Variants in PCDH9 observed in about 807,000 individuals in gnomAD.
PCDH9 encodes the protein protocadherin 9, also known as protocadherin-9.
Under a neutral mutation model 70.6 loss-of-function variants are expected in PCDH9, and 24 were observed. The observed-to-expected ratio is 0.34, with a 90% CI of 0.25 to 0.48. The LOEUF is 0.48. Among genes scored for constraint, PCDH9 ranks in the 20% least tolerant of loss-of-function variants. The pLI, the probability that PCDH9 is intolerant of heterozygous loss-of-function variation, is 0.99. For missense variants in PCDH9, 1,281 were observed against 1,503.6 expected (o/e 0.85, Z 2.45); for synonymous variants, 562 against 558.5 (o/e 1.01, Z -0.09).
At chr13:67,081,090 A>G (rs1207106803) in intron 2 of PCDH9, among the ~76,000 whole-genome samples, 1 of 152,238 alleles carries the variant, frequency 6.6e-6, no homozygotes, top group Non-Finnish European at 1.5e-5. Flanking sequence ...TGAAAAAAAG[A>G]TATCCATATG....
Position 66,534,412 on chromosome 13 carries a change from T to G in PCDH9, c.3340+96798A>C, listed in dbSNP as rs1178089987. Among the ~76,000 whole-genome samples the G allele has an allele frequency of 3.9e-5, 6 of 152,104 alleles. No homozygotes were observed. The South Asian group carries it at 8.3e-4, about 21-fold the overall frequency. On this transcript the variant is annotated intron_variant, in intron 4 of 4. Coordinates refer to ENST00000377865, the MANE Select transcript of PCDH9 (RefSeq NM_203487.3). Reference sequence around the variant, plus strand: ...AGTATCGTTGGGTTCTGGTGAGGGTTCTCTTTTAGTGTGCAGAATGCTGAT... The same window carrying G: ...AGTATCGTTGGGTTCTGGTGAGGGTGCTCTTTTAGTGTGCAGAATGCTGAT...
chr13:66,358,995 C>T (rs2138189041), intron 4 of PCDH9, among the ~76,000 whole-genome samples: 2 of 152,064 alleles, frequency 1.3e-5, no homozygotes, highest in South Asian at 4.1e-4. Context: ...AAAAGTCGCT[C>T]ATTAATGGTG....
At chr13:66,737,024 C>G (rs2079160306) in intron 3 of PCDH9, among the ~76,000 whole-genome samples, 1 of 152,218 alleles carries the variant, frequency 6.6e-6, no homozygotes, top group East Asian at 1.9e-4. Flanking sequence ...TTTTTTCCAT[C>G]TCCCATGAAA....
chr13:66,351,984 A>C (rs1448014773), intron 4 of PCDH9, among the ~76,000 whole-genome samples: 2 of 152,044 alleles, frequency 1.3e-5, no homozygotes, highest in Non-Finnish European at 2.9e-5. Context: ...TACAGGCATC[A>C]GCCACCACGC....
intron 2 of PCDH9, among the ~76,000 whole-genome samples, chr13:66,920,637 C>A (rs1476079564): frequency 6.6e-6 from 1 of 151,138 alleles, no homozygotes; most frequent in African/African-American, 2.4e-5. Context: ...GAGGCAAAAA[C>A]AAACACAAAA....
intron 2 of PCDH9, among the ~76,000 whole-genome samples, chr13:66,909,277 C>A (rs964152058): frequency 1.3e-5 from 2 of 151,734 alleles, no homozygotes; most frequent in African/African-American, 4.8e-5. Context: ...AACTACAAAA[C>A]CCTGATTAAA....
intron 2 of PCDH9, among the ~76,000 whole-genome samples, chr13:66,914,182 C>T (rs1034816698): frequency 2.0e-5 from 3 of 151,610 alleles, no homozygotes; most frequent in Non-Finnish European, 4.4e-5. Flanking sequence ...TCAAAGTATG[C>T]GAGAAACATG....
chr13:66,513,836 C>CT (rs927428010), intron 4 of PCDH9, among the ~76,000 whole-genome samples: 27 of 147,430 alleles, frequency 1.8e-4, no homozygotes, highest in East Asian at 7.9e-4. Context: ...AATGAGGTAA[C>CT]TTTTTTTTTT....
chr13:66,542,176 TGTAAA>T (rs1400939175), intron 4 of PCDH9, among the ~76,000 whole-genome samples: 4 of 152,148 alleles, frequency 2.6e-5, no homozygotes, highest in African/African-American at 9.7e-5. Flanking sequence ...ATCTTATTTA[TGTAAA>T]GTACTCTGTG....
chr13:66,316,052 T>G (rs935391206), intron 4 of PCDH9, among the ~76,000 whole-genome samples: 1 of 152,202 alleles, frequency 6.6e-6, no homozygotes, highest in Non-Finnish European at 1.5e-5. Context: ...TTTATTCAGA[T>G]TCCTGTGGTC....
At chr13:66,751,511 C>T (rs908699202) in intron 3 of PCDH9, among the ~76,000 whole-genome samples, 5 of 152,154 alleles carry the variant, frequency 3.3e-5, no homozygotes, top group African/African-American at 1.2e-4. Flanking sequence ...TAAGTAAGTT[C>T]ATGTACCCAA....
At position 66,420,855 on chromosome 13, in the gene PCDH9, G is replaced by C. The variant is rs949374939; in HGVS notation, c.3341-115827C>G. 2.0e-5 allele frequency among the ~76,000 whole-genome samples: 3 copies of C among 152,032 alleles called. No individual in the cohort carries two copies. In the South Asian group the frequency reaches 6.2e-4, roughly 32 times the overall value. On this transcript the variant is annotated intron_variant, in intron 4 of 4. Coordinates refer to ENST00000377865, the MANE Select transcript of PCDH9 (RefSeq NM_203487.3). ...GAGTTTGACTAATTGACAGAAGTAG[G>C]CTTCTGAAGGTGGGTAATTACAAAC...
At chr13:66,706,772 A>G (rs1375775928) in intron 3 of PCDH9, among the ~76,000 whole-genome samples, 1 of 152,212 alleles carries the variant, frequency 6.6e-6, no homozygotes, top group East Asian at 1.9e-4. Context: ...GCATGACTTA[A>G]GAAGCAAGAT....
At chr13:66,575,186 C>CAT (rs1028633307) in intron 4 of PCDH9, among the ~76,000 whole-genome samples, 20 of 151,670 alleles carry the variant, frequency 1.3e-4, no homozygotes, top group South Asian at 4.2e-4. Flanking sequence ...AAAAAAAATA[C>CAT]ATATATATAT....
chr13:67,229,237 C>CA (rs760845591), intron 1 of PCDH9, among the ~76,000 whole-genome samples: 16 of 152,206 alleles, frequency 1.1e-4, no homozygotes, highest in Non-Finnish European at 2.2e-4. Context: ...TCCATATTGA[C>CA]AAATTATCCT....
chr13:66,519,042 A>G (rs1357170398), intron 4 of PCDH9, among the ~76,000 whole-genome samples: 1 of 152,166 alleles, frequency 6.6e-6, no homozygotes, highest in Non-Finnish European at 1.5e-5. Flanking sequence ...GATACAGTTT[A>G]TATTCGAGGC....
intron 2 of PCDH9, among the ~76,000 whole-genome samples, chr13:66,990,693 C>T (rs2083985048): frequency 2.0e-5 from 3 of 151,084 alleles, no homozygotes; most frequent in Non-Finnish European, 4.4e-5. Flanking sequence ...AGCAATTTCT[C>T]ACTTCAAAAA....
chr13:66,979,793 T>C (rs1302421602), intron 2 of PCDH9, among the ~76,000 whole-genome samples: 2 of 152,170 alleles, frequency 1.3e-5, no homozygotes, highest in African/African-American at 4.8e-5. Flanking sequence ...GTGCTCATTT[T>C]ATAAGATTTG....
intron 2 of PCDH9, chr13:67,225,082 G>C: frequency 1.7e-6 from 2 of 1,180,448 alleles, no homozygotes; most frequent in Non-Finnish European, 2.1e-6. Flanking sequence ...AAACCCCCAG[G>C]AGCAGAATTT....
Sources: allele counts gnomAD v4.1 joint callset (sites outside exome capture counted in the v4.1 genomes callset), GRCh38; gene constraint gnomAD v4.1.1; transcripts MANE v1.5; gene names NCBI Gene and HGNC (gene_info 2026-07-23, HGNC 2026-07-21).